MSRB3: variants seen among roughly 807,000 people sequenced by gnomAD.
The protein encoded by MSRB3 is methionine-R-sulfoxide reductase B3.
Under a neutral mutation model 21.0 loss-of-function variants are expected in MSRB3, and 13 were observed. The observed-to-expected ratio is 0.62, with a 90% CI of 0.40 to 0.98. The LOEUF (loss-of-function observed/expected upper bound fraction) is 0.98. MSRB3 is among the 50% of genes least tolerant of loss of function. The probability of loss-of-function intolerance (pLI) is 0.00; values close to 1 mark genes in which losing one functional copy is unlikely to be tolerated. For synonymous variants in MSRB3, 87 were observed against 88.6 expected, an observed-to-expected ratio of 0.98 and a Z score of 0.10; for missense variants, 199 against 230.3, an observed-to-expected ratio of 0.86 and a Z score of 0.88.
At chr12:65,392,778 T>C (rs928022552) in intron 5 of MSRB3, among the ~76,000 whole-genome samples, 15 of 152,244 alleles carry the variant, frequency 9.9e-5, no homozygotes, top group African/African-American at 3.1e-4. Flanking sequence ...CAAGAGTGTG[T>C]TCTGTTTCTT....
intron 5 of MSRB3, among the ~76,000 whole-genome samples, chr12:65,434,989 G>A (rs1882051611): frequency 1.3e-5 from 2 of 151,956 alleles, no homozygotes; most frequent in East Asian, 1.9e-4. Flanking sequence ...AAATGGTGAG[G>A]CTCCAAGTTT....
At chr12:65,291,266 A>G (rs752817265) in intron 1 of MSRB3, among the ~76,000 whole-genome samples, 4 of 151,832 alleles carry the variant, frequency 2.6e-5, no homozygotes, top group Non-Finnish European at 2.9e-5. Flanking sequence ...TTGTATTTTT[A>G]GAAGAGATGG....
intron 5 of MSRB3, among the ~76,000 whole-genome samples, chr12:65,383,954 C>T (rs1455485781): frequency 1.3e-5 from 2 of 152,086 alleles, no homozygotes; most frequent in East Asian, 1.9e-4. Context: ...CCACTGCCCC[C>T]GGCTGAATTA....
chr12:65,364,069 T>G (rs1290104135), intron 4 of MSRB3, among the ~76,000 whole-genome samples: 1 of 152,152 alleles, frequency 6.6e-6, no homozygotes, highest in East Asian at 1.9e-4. Context: ...GATTTACTAT[T>G]CTAATATCAG....
intron 5 of MSRB3, among the ~76,000 whole-genome samples, chr12:65,442,260 A>T (rs1326565322): frequency 6.6e-6 from 1 of 151,956 alleles, no homozygotes; most frequent in Non-Finnish European, 1.5e-5. Context: ...TTGAGACTTA[A>T]CTGCCCCTCA....
At chr12:65,453,568 A>G (rs1226660445) in intron 5 of MSRB3, among the ~76,000 whole-genome samples, 160 bp from the exon 6 acceptor site, 1 of 152,252 alleles carries the variant, frequency 6.6e-6, no homozygotes, top group Non-Finnish European at 1.5e-5. Flanking sequence ...CTTGCAAAAT[A>G]TATTTTCCTT....
intron 5 of MSRB3, among the ~76,000 whole-genome samples, chr12:65,402,562 C>G (rs973550024): frequency 2.0e-5 from 3 of 152,104 alleles, no homozygotes; most frequent in Non-Finnish European, 2.9e-5. Flanking sequence ...TTAGAACATG[C>G]TTCTTTAGCT....
chr12:65,307,075 AG>A (rs1873696329), intron 1 of MSRB3: 10 of 978,626 alleles, frequency 1.0e-5, no homozygotes, highest in Non-Finnish European at 1.2e-5. Context: ...GAAGGGTCAC[AG>A]GGAAAAAATA....
chr12:65,463,424 G>A lies in MSRB3; in HGVS notation c.*102G>A. On this transcript the variant is annotated 3_prime_UTR_variant, in exon 7 of 7. Coordinates refer to ENST00000308259, the MANE Select transcript of MSRB3 (RefSeq NM_001031679.3). ...ATATATTTTTTCAAAAACTATAAGG[G>A]CAGTTTTGTGCTATTGATATTTTTT... The A allele has an allele frequency of 1.5e-6, 2 of 1,350,184 alleles. No individual in the cohort carries two copies. Among genetic ancestry groups the A allele is most frequent in the Non-Finnish European group, 2.0e-6 (2 of 985,214 alleles). The allele number at this position is 1,350,184 out of a possible 1,614,324, so 83.6% of individuals were successfully genotyped here.
intron 5 of MSRB3, 50 bp from the exon 6 acceptor site, chr12:65,453,678 G>T (rs1196337337): frequency 1.5e-6 from 2 of 1,321,760 alleles, no homozygotes; most frequent in African/African-American, 2.9e-5. Flanking sequence ...CTAACCCAAG[G>T]CTGTGTATCT....
intron 5 of MSRB3, among the ~76,000 whole-genome samples, chr12:65,421,418 G>C (rs1347736248): frequency 6.6e-6 from 1 of 152,106 alleles, no homozygotes; most frequent in Admixed American, 6.5e-5. Context: ...TAGGTTATCT[G>C]TTTACTCTGT....
rs559131697 is a variant in MSRB3, at chr12:65,329,244, G to GGGAAATCTT, written c.263+642_263+650dup. Among the ~76,000 whole-genome samples the GGGAAATCTT allele has an allele frequency of 4.3e-3, 656 of 152,240 alleles. 4 individuals are homozygous for GGGAAATCTT. The highest frequency in any genetic ancestry group is 0.015 in the African/African-American group (611 of 41,544). On this transcript the variant is annotated intron_variant, in intron 4 of 6. Coordinates refer to ENST00000308259, the MANE Select transcript of MSRB3 (RefSeq NM_001031679.3). ...GAGATTATGGATGTTATTCAAGAAA[G>GGGAAATCTT]GGAAATCTTTACCAAAAACTTATTT...
At chr12:65,358,871 C>A (rs537511699) in intron 4 of MSRB3, among the ~76,000 whole-genome samples, 1 of 151,932 alleles carries the variant, frequency 6.6e-6, no homozygotes, top group East Asian at 1.9e-4. Context: ...TGTGGTCTAC[C>A]CTTACCTGCT....
chr12:65,397,286 A>G (rs1039319622), intron 5 of MSRB3, among the ~76,000 whole-genome samples: 1 of 152,234 alleles, frequency 6.6e-6, no homozygotes, highest in African/African-American at 2.4e-5. Context: ...TAGACAGCAT[A>G]TATTTGGGTC....
At chr12:65,350,638 C>CA (rs1285758224) in intron 4 of MSRB3, among the ~76,000 whole-genome samples, 2 of 145,276 alleles carry the variant, frequency 1.4e-5, no homozygotes, top group African/African-American at 2.6e-5. Context: ...AAATGGAAAA[C>CA]AAAAAAAGGC....
intron 5 of MSRB3, among the ~76,000 whole-genome samples, chr12:65,424,279 AT>A (rs1195353504): frequency 2.0e-5 from 3 of 150,716 alleles, no homozygotes; most frequent in Non-Finnish European, 4.4e-5. Context: ...ACTTGGTTTC[AT>A]TGAACTTTTC....
intron 5 of MSRB3, among the ~76,000 whole-genome samples, chr12:65,404,040 G>C (rs1300941170): frequency 6.6e-6 from 1 of 152,224 alleles, no homozygotes; most frequent in African/African-American, 2.4e-5. Flanking sequence ...GACCGGAGCT[G>C]TTCCTATTTG....
chr12:65,293,200 T>C (rs569745526), intron 1 of MSRB3, among the ~76,000 whole-genome samples: 1 of 152,320 alleles, frequency 6.6e-6, no homozygotes, highest in South Asian at 2.1e-4. Context: ...ATTGATCTCA[T>C]GTCCTGTGTC....
intron 1 of MSRB3, among the ~76,000 whole-genome samples, chr12:65,292,463 A>T (rs1872720108): frequency 6.6e-6 from 1 of 152,038 alleles, no homozygotes; most frequent in African/African-American, 2.4e-5. Flanking sequence ...CATCATCATC[A>T]TTCTGGGACA....
Sources: gnomAD v4.1 joint callset for allele counts (sites outside exome capture counted in the v4.1 genomes callset) on GRCh38, gnomAD v4.1.1 for gene constraint, MANE v1.5 for transcripts, NCBI Gene and HGNC (gene_info 2026-07-23, HGNC 2026-07-21) for gene names.